Variants in ERO1B observed in about 807,000 individuals in gnomAD.
ERO1B encodes the protein ERO1-like protein beta.
In ERO1B, 49 loss-of-function variants were observed where a neutral mutation model predicts 75.3. The observed-to-expected ratio is 0.65, with a 90% confidence interval of 0.52 to 0.83. The LOEUF (loss-of-function observed/expected upper bound fraction) is 0.83. Ranked by LOEUF, ERO1B falls within the 40% of genes least tolerant of loss-of-function variation. The probability of loss-of-function intolerance (pLI) is 0.00; values close to 1 mark genes in which losing one functional copy is unlikely to be tolerated. For missense variants in ERO1B, 512 were observed against 560.1 expected, an observed-to-expected ratio of 0.91 and a Z score of 0.87; for synonymous variants, 191 against 192.9, an observed-to-expected ratio of 0.99 and a Z score of 0.08.
intron 14 of ERO1B, among the ~76,000 whole-genome samples, chr1:236,221,395 T>C (rs913839990): frequency 6.6e-6 from 1 of 152,186 alleles, no homozygotes; most frequent in Non-Finnish European, 1.5e-5. Context: ...GCCTCCACTG[T>C]AATAATTTTG....
intron 1 of ERO1B, 21 bp downstream of exon 1, chr1:236,281,660 GC>G: frequency 7.2e-7 from 1 of 1,398,152 alleles, no homozygotes; most frequent in Non-Finnish European, 9.4e-7. Flanking sequence ...GGGGTTCCCG[GC>G]CCGCTATCAC....
rs139516210 is a variant in ERO1B at position 236,277,002 on chromosome 1, G to A, written c.102+4680C>T. ...AAAAGTGTGCAGCACTTCCCCGATT[G>A]TAAGTTTCCTGAGGCCTCGCCAGCC... is the stretch of plus-strand genomic sequence containing the variant. On this transcript the variant is annotated intron_variant, in intron 1 of 15. Transcript: ENST00000354619. 4.6e-5 allele frequency among the ~76,000 whole-genome samples: 7 copies of A among 152,290 alleles called. No homozygotes were observed. The East Asian group carries it at 1.2e-3, about 25-fold the overall frequency.
At chr1:236,266,653 T>C (rs1254188) in intron 2 of ERO1B, among the ~76,000 whole-genome samples, 48,733 of 151,970 alleles carry the variant, frequency 0.32, 8,443 homozygotes, top group East Asian at 0.78. Flanking sequence ...AAATTAACCT[T>C]TTCTCTTAGC....
At chr1:236,234,340 T>C (rs1389713817) in intron 8 of ERO1B, among the ~76,000 whole-genome samples, 11 of 152,226 alleles carry the variant, frequency 7.2e-5, no homozygotes. Flanking sequence ...GACTTGATGG[T>C]TTTCTTAAGT....
chr1:236,258,162 A>AAAAAAAAAAAAAAAC (rs1553373457), intron 2 of ERO1B, among the ~76,000 whole-genome samples: 5 of 136,298 alleles, frequency 3.7e-5, no homozygotes, highest in African/African-American at 5.4e-5. Flanking sequence ...AAAAAAAAAA[A>AAAAAAAAAAAAAAAC]ACCCAGCCAG....
At chr1:236,260,153 C>A (rs928837050) in intron 2 of ERO1B, among the ~76,000 whole-genome samples, 29 of 151,826 alleles carry the variant, frequency 1.9e-4, no homozygotes, top group African/African-American at 7.0e-4. Context: ...AAGATGCCAA[C>A]AAAATCAGAA....
intron 2 of ERO1B, among the ~76,000 whole-genome samples, chr1:236,255,681 G>A (rs1330487262): frequency 6.6e-6 from 1 of 152,198 alleles, no homozygotes; most frequent in African/African-American, 2.4e-5. Flanking sequence ...AGAAGTGTTT[G>A]AGGGAGATTT....
In ERO1B at chr1:236,217,532, T is replaced by C. The variant is rs1429299147; in HGVS notation, c.*984A>G. 1 of 152,596 alleles carries C rather than the reference T, an allele frequency of 6.6e-6. No homozygotes were observed. Among genetic ancestry groups the C allele is most frequent in the Non-Finnish European group, 1.5e-5 (1 of 68,004 alleles). The allele number at this position is 152,596 out of a possible 1,614,324, so 9.5% of individuals were successfully genotyped here. A position where few individuals can be genotyped will look rare whatever the true frequency, so the allele number is the denominator to read the frequency against. ...GAGTTCGAGGATTGCATAGATTGTA[T>C]TCTAAAATAAATCCTTTAAAAATGC... On this transcript the variant is annotated 3_prime_UTR_variant, in exon 16 of 16. Coordinates refer to ENST00000354619, the MANE Select transcript of ERO1B (RefSeq NM_019891.4).
chr1:236,224,990 G>A, intron 13 of ERO1B, 80 bp downstream of exon 13: 1 of 1,304,180 alleles, frequency 7.7e-7, no homozygotes, highest in Non-Finnish European at 1.1e-6. Context: ...AACTGGGAAA[G>A]AAAACAGTTT....
chr1:236,225,014 T>G, intron 13 of ERO1B, 56 bp downstream of exon 13: 2 of 1,500,852 alleles, frequency 1.3e-6, no homozygotes, highest in Non-Finnish European at 1.9e-6. Flanking sequence ...TGCACAGCAT[T>G]AAAGCATAAC....
chr1:236,268,611 G>T (rs10924904), intron 2 of ERO1B, among the ~76,000 whole-genome samples: 1 of 152,194 alleles, frequency 6.6e-6, no homozygotes, highest in Non-Finnish European at 1.5e-5. Context: ...ACAAGGCCGG[G>T]CGCGGTGGCT....
In ERO1B at chr1:236,270,008, A is replaced by C; in HGVS notation, c.103-14T>G. 6.5e-7 allele frequency: 1 copy of C among 1,541,902 alleles called. No individual in the cohort carries two copies. Among genetic ancestry groups the C allele is most frequent in the Non-Finnish European group, 8.8e-7 (1 of 1,132,174 alleles). On this transcript the variant is annotated splice_polypyrimidine_tract_variant and intron_variant, in intron 1 of 15. Transcript: ENST00000354619. Reference sequence around the variant, plus strand: ...AACTCCAGTGACCTAGAATTTATATAATTTAAAATATGTAAACTACTGATG... The same window carrying C: ...AACTCCAGTGACCTAGAATTTATATCATTTAAAATATGTAAACTACTGATG...
At chr1:236,243,349 T>G in intron 6 of ERO1B, 73 bp downstream of exon 6, 1 of 1,083,230 alleles carries the variant, frequency 9.2e-7, no homozygotes, top group South Asian at 1.6e-5. Context: ...TCAGTTTATA[T>G]TTTCATTGAT....
In ERO1B at chr1:236,226,369, C is replaced by T; in HGVS notation, c.952G>A (p.Ala318Thr). 1 of 1,614,002 alleles carries T rather than the reference C, an allele frequency of 6.2e-7. No homozygotes were observed. Among genetic ancestry groups the T allele is most frequent in the Non-Finnish European group, 8.5e-7 (1 of 1,179,974 alleles). The change falls in exon 12 of 16, where the codon GCT becomes ACT. Residue 318 changes from alanine (A) to threonine (T), a missense_variant. By Grantham distance (58) the Ala-to-Thr change is moderately conservative. Coordinates refer to ENST00000354619, the MANE Select transcript of ERO1B (RefSeq NM_019891.4). ...ACAATTGAGCGCTCAAAATATGGAG[C>T]CACCTTTGACAAAGCTCGAAGCTCA... The part of the protein sequence containing the change: ...LIELRALSKV[A>T]PYFERSIVDL...
At chr1:236,276,413 T>G (rs2695033) in intron 1 of ERO1B, among the ~76,000 whole-genome samples, 130,331 of 152,208 alleles carry the variant, frequency 0.86, 55,935 homozygotes, top group East Asian at 0.91. Flanking sequence ...TAGCAGTCAA[T>G]GGCAGGGGAG....
chr1:236,253,948 CAAAG>C (rs942784819), intron 2 of ERO1B, among the ~76,000 whole-genome samples: 10 of 152,246 alleles, frequency 6.6e-5, no homozygotes, highest in Middle Eastern at 3.4e-3. Context: ...GTCAGTGCTA[CAAAG>C]AAAATCCAGA....
Position 236,253,446 on chromosome 1 carries a change from G to A in ERO1B, c.282C>T (p.Asp94=). 6 of 1,609,986 alleles carry A rather than the reference G, an allele frequency of 3.7e-6. No individual in the cohort carries two copies. Among genetic ancestry groups the A allele is most frequent in the Non-Finnish European group, 5.1e-6 (6 of 1,177,422 alleles). The change falls in exon 3 of 16, where the codon GAC becomes GAT. Residue 94 remains aspartate, a synonymous_variant. Transcript: ENST00000354619. The part of the protein sequence containing the change: ...WAEDGHCSIK[D]CHVEPCPESK... ...CCTCTGGACAGGGCTCCACATGACAGTCTTTTATTGAACAGTGGCCATCTT... is the reference window on the plus strand; with the variant it reads ...CCTCTGGACAGGGCTCCACATGACAATCTTTTATTGAACAGTGGCCATCTT...
intron 9 of ERO1B, among the ~76,000 whole-genome samples, chr1:236,231,209 A>G (rs12562166): frequency 0.068 from 10,383 of 152,234 alleles, 742 homozygotes; most frequent in East Asian, 0.39. Context: ...ATAATTCTTC[A>G]GGAAAGTTAA....
At chr1:236,235,165 A>T (rs1664509934) in intron 8 of ERO1B, among the ~76,000 whole-genome samples, 1 of 152,240 alleles carries the variant, frequency 6.6e-6, no homozygotes, top group African/African-American at 2.4e-5. Context: ...TGGACAGTAC[A>T]GATATAGAGC....
Sources: allele counts gnomAD v4.1 joint callset (sites outside exome capture counted in the v4.1 genomes callset), GRCh38; gene constraint gnomAD v4.1.1; transcripts MANE v1.5; gene names NCBI Gene and HGNC (gene_info 2026-07-23, HGNC 2026-07-21).